The following GIT2 variants were observed in gnomAD, a reference collection of about 807,000 sequenced individuals.
GIT2 encodes the protein GIT ArfGAP 2.
Under a neutral mutation model 100.3 loss-of-function variants are expected in GIT2, and 32 were observed. The observed-to-expected ratio is 0.32, with a 90% CI of 0.24 to 0.43. GIT2 has a LOEUF of 0.43. Ranked by LOEUF, GIT2 falls within the 20% of genes least tolerant of loss-of-function variation. GIT2 has a pLI of 1.00. For missense variants in GIT2, 737 were observed against 975.1 expected, an observed-to-expected ratio of 0.76 and a Z score of 3.25; for synonymous variants, 353 against 364.1, an observed-to-expected ratio of 0.97 and a Z score of 0.35.
At position 109,989,799 on chromosome 12, in the gene GIT2, C is replaced by T. The variant is rs781035086; in HGVS notation, c.190G>A (p.Val64Ile). The change falls in exon 3 of 20, where the codon GTT (valine) becomes ATT (isoleucine). Residue 64 changes from valine (V) to isoleucine (I), a missense_variant. Physicochemically the swap from Val to Ile is conservative, Grantham distance 29. Around this residue, in one of 3 missense-constraint regions of GIT2, gnomAD observed 266 missense variants for 376.2 expected, o/e 0.71. Coordinates refer to ENST00000355312, the MANE Select transcript of GIT2 (RefSeq NM_057169.5). ...GCACCGTTATTATACAAGGTCTCAACCATCTAAAACCAAGCAGGATGACAT... is the reference window on the plus strand; with the variant it reads ...GCACCGTTATTATACAAGGTCTCAATCATCTAAAACCAAGCAGGATGACAT... ...TPWPPTLLQM[V>I]ETLYNNGANS... 6.7e-7 allele frequency: 1 copy of T among 1,492,656 alleles called. No homozygotes were observed. Among genetic ancestry groups the T allele is most frequent in the East Asian group, 2.3e-5 (1 of 44,330 alleles). The allele number at this position is 1,492,656 out of a possible 1,614,324, so 92.5% of individuals were successfully genotyped here.
chr12:109,961,133 C>T, intron 11 of GIT2, 145 bp downstream of exon 11: 1 of 515,098 alleles, frequency 1.9e-6, no homozygotes, highest in Non-Finnish European at 3.5e-6. Flanking sequence ...TTTTTCTTAT[C>T]AATTTGGGGG....
chr12:109,941,909 C>T (rs1452081279), intron 16 of GIT2, among the ~76,000 whole-genome samples: 1 of 151,828 alleles, frequency 6.6e-6, no homozygotes, highest in African/African-American at 2.4e-5. Context: ...ACTGCAGCCT[C>T]GACCTCCCAG....
intron 7 of GIT2, among the ~76,000 whole-genome samples, chr12:109,971,700 G>A (rs1300599159): frequency 6.6e-6 from 1 of 151,752 alleles, no homozygotes; most frequent in African/African-American, 2.4e-5. Flanking sequence ...AAAGAAATGT[G>A]ATGGATTTTT....
In GIT2 at chr12:109,934,753, G is replaced by C. The variant is rs1348100482; in HGVS notation, c.2004-668C>G. On this transcript the variant is annotated intron_variant, in intron 18 of 19. Coordinates refer to ENST00000355312, the MANE Select transcript of GIT2 (RefSeq NM_057169.5). This position sits in a 1 kb window ranked among gnomAD's most constrained non-coding sequence, Gnocchi z 4.5. ...TAAGCAACTTATGCACTTCACCTTT[G>C]TAACAAGTCTAGTTTCAAAACTATT... Among the ~76,000 whole-genome samples, 1 of 151,990 alleles carries C rather than the reference G, an allele frequency of 6.6e-6. No homozygotes were observed. Among genetic ancestry groups the C allele is most frequent in the Non-Finnish European group, 1.5e-5 (1 of 68,002 alleles).
chr12:109,990,744 A>G (rs1888213272), intron 2 of GIT2, among the ~76,000 whole-genome samples: 1 of 152,266 alleles, frequency 6.6e-6, no homozygotes, highest in African/African-American at 2.4e-5. Flanking sequence ...AGGTGACATG[A>G]CATTGGACTC....
chr12:109,970,371 T>TA (rs1361009714), intron 7 of GIT2, among the ~76,000 whole-genome samples: 1 of 152,100 alleles, frequency 6.6e-6, no homozygotes, highest in East Asian at 1.9e-4. Context: ...AGTGCGCCTG[T>TA]AGTCCCAGCT....
intron 12 of GIT2, 99 bp from the exon 13 acceptor site, chr12:109,953,333 T>C: frequency 8.6e-7 from 1 of 1,168,856 alleles, no homozygotes; most frequent in Non-Finnish European, 1.3e-6. Context: ...TTTAAAGGAC[T>C]TAAAGGGCTG....
intron 12 of GIT2, among the ~76,000 whole-genome samples, chr12:109,958,553 C>T (rs773611598): frequency 9.9e-5 from 15 of 152,034 alleles, no homozygotes; most frequent in Admixed American, 6.6e-4. Flanking sequence ...CATTTTAAGA[C>T]TTTAAACTTA....
chr12:109,945,998 G>A (rs992312275), intron 15 of GIT2, among the ~76,000 whole-genome samples: 5 of 152,200 alleles, frequency 3.3e-5, no homozygotes, highest in African/African-American at 1.2e-4. Context: ...GCCAGGCACA[G>A]GACCATGTGC....
chr12:109,982,455 A>G (rs763592052), intron 6 of GIT2: 4 of 152,078 alleles, frequency 2.6e-5, no homozygotes, highest in Non-Finnish European at 5.9e-5. Flanking sequence ...GAGTTTTGTT[A>G]TTCACCCATT....
intron 12 of GIT2, chr12:109,954,385 C>T (rs1878803903): frequency 6.6e-6 from 1 of 151,948 alleles, no homozygotes. Flanking sequence ...ATGAATCAAA[C>T]AAATACACAT....
intron 2 of GIT2, 149 bp downstream of exon 2, chr12:109,991,478 G>A (rs1415087320): frequency 3.1e-6 from 2 of 638,126 alleles, no homozygotes; most frequent in African/African-American, 3.6e-5. Flanking sequence ...GATAATATTT[G>A]TAAATAGCAT....
chr12:109,935,402 T>C (rs772278890), intron 18 of GIT2, among the ~76,000 whole-genome samples: 2 of 152,238 alleles, frequency 1.3e-5, no homozygotes, highest in Admixed American at 6.5e-5. Context: ...AGTTTTTTTT[T>C]TGAGATGGAG....
intron 7 of GIT2, among the ~76,000 whole-genome samples, chr12:109,974,631 T>A (rs556938533): frequency 6.6e-6 from 1 of 152,232 alleles, no homozygotes; most frequent in Non-Finnish European, 1.5e-5. Context: ...GAAAATATAC[T>A]TTATAGAATT....
At chr12:109,938,067 C>T (rs570394431) in intron 18 of GIT2, among the ~76,000 whole-genome samples, 5 of 152,242 alleles carry the variant, frequency 3.3e-5, no homozygotes, top group East Asian at 1.9e-4. Context: ...TGGCCAGAAG[C>T]GAGGTGTAAG....
intron 8 of GIT2, chr12:109,965,799 G>GA (rs199498712): frequency 5.0e-4 from 335 of 665,018 alleles, no homozygotes; most frequent in Middle Eastern, 1.0e-3. Flanking sequence ...TGTTAAAGAG[G>GA]AAAAAAAAAT....
At position 109,948,252 on chromosome 12, in the gene GIT2, T is replaced by C; in HGVS notation, c.1393-748A>G. 1 of 986,290 alleles carries C rather than the reference T, an allele frequency of 1.0e-6. No individual in the cohort carries two copies. The highest frequency in any genetic ancestry group is 1.2e-6 in the Non-Finnish European group (1 of 830,540). 61.1% of individuals were successfully genotyped at this position (986,290 alleles called of 1,614,324 possible). On this transcript the variant is annotated intron_variant, in intron 14 of 19. Transcript: ENST00000355312. The surrounding 1 kb of genome is among the most constrained non-coding windows in gnomAD (Gnocchi z 4.3). ...CGCATGGATGCTCCACGCAGCACGC[T>C]TGCTTCCGTCTGGTGAGTGATCATC...
intron 13 of GIT2, chr12:109,952,551 G>A (rs1176875629): frequency 3.9e-6 from 2 of 519,072 alleles, no homozygotes; most frequent in Non-Finnish European, 7.7e-6. Flanking sequence ...TTTTTAGGCT[G>A]TCCCTATGCA....
At chr12:109,989,171 G>C (rs1338838494) in intron 3 of GIT2, 103 bp from the exon 4 acceptor site, 22 of 751,018 alleles carry the variant, frequency 2.9e-5, no homozygotes, top group Non-Finnish European at 5.3e-5. Flanking sequence ...TCCCCCACTT[G>C]AGAATAAAAT....
Sources: gnomAD v4.1 joint callset for allele counts (sites outside exome capture counted in the v4.1 genomes callset) on GRCh38, gnomAD v4.1.1 for gene constraint, gnomAD v4.1.1 regional missense constraint, Gnocchi (gnomAD v3.1) non-coding constraint, MANE v1.5 for transcripts, NCBI Gene and HGNC (gene_info 2026-07-23, HGNC 2026-07-21) for gene names.